HSPG2: variants seen among roughly 807,000 people sequenced by gnomAD.
HSPG2 encodes heparan sulfate proteoglycan 2, also known as basement membrane-specific heparan sulfate proteoglycan core protein.
HSPG2 carries 278 observed loss-of-function variants against 526.6 expected under a neutral mutation model. That is an observed-to-expected ratio of 0.53 (90% CI 0.48 to 0.58). HSPG2 has a LOEUF of 0.58. HSPG2 is among the 20% of genes least tolerant of loss of function. The pLI, the probability that HSPG2 is intolerant of heterozygous loss-of-function variation, is 0.00. For missense variants in HSPG2, 5,354 were observed against 6,099.5 expected (o/e 0.88, Z 4.07); for synonymous variants, 2,465 against 2,555.4 (o/e 0.96, Z 1.07).
chr1:21,879,755 C>T (rs556408104), intron 17 of HSPG2, among the ~76,000 whole-genome samples: 14 of 152,198 alleles, frequency 9.2e-5, no homozygotes, highest in African/African-American at 3.1e-4. Flanking sequence ...CGGGTTCAAG[C>T]GATTTTCCTG....
rs1194290622 is a variant in HSPG2 at position 21,887,556 on chromosome 1, G to T, written c.822C>A (p.Pro274=). The stretch of plus-strand genomic sequence containing the variant: ...GGGGCCTGACGGAACCGGGAAGCAG[G>T]GGCTGAGGAGCGTGGGTGACTGGTG... ...RQPPVTHAPQ[P]LLPGSVRPLP... is the part of the protein sequence containing the mutation. Residue 274 remains proline, a synonymous_variant, in exon 8 of 97, where the codon CCC becomes CCA. Transcript: ENST00000374695. The surrounding 1 kb of genome is among the most constrained non-coding windows in gnomAD (Gnocchi z 5.0). The T allele has an allele frequency of 6.2e-7, 1 of 1,614,016 alleles. No individual in the cohort carries two copies. Among genetic ancestry groups the T allele is most frequent in the Non-Finnish European group, 8.5e-7 (1 of 1,180,012 alleles).
At chr1:21,878,282 C>T (rs1167006920) in intron 20 of HSPG2, 29 bp from the exon 21 acceptor site, 5 of 1,611,894 alleles carry the variant, frequency 3.1e-6, no homozygotes. Flanking sequence ...GTTGGCAGGG[C>T]AGGTGGGAAT....
intron 45 of HSPG2, 37 bp downstream of exon 45, chr1:21,855,750 A>G: frequency 1.2e-6 from 2 of 1,610,318 alleles, no homozygotes; most frequent in South Asian, 1.1e-5. Context: ...CACCCAGGAG[A>G]GTCAGGCCTT....
At chr1:21,908,360 G>T (rs1221806003) in intron 1 of HSPG2, 20 of 1,086,392 alleles carry the variant, frequency 1.8e-5, no homozygotes, top group Non-Finnish European at 2.7e-5. Context: ...CTTGCCAAGA[G>T]AATTAATGTG....
At position 21,880,565 on chromosome 1, in the gene HSPG2, T is replaced by C; in HGVS notation, c.1999-6A>G. 1 of 1,613,058 alleles carries C rather than the reference T, an allele frequency of 6.2e-7. No homozygotes were observed. The highest frequency in any genetic ancestry group is 8.5e-7 in the Non-Finnish European group (1 of 1,179,798). On this transcript the variant is annotated splice_region_variant and splice_polypyrimidine_tract_variant and intron_variant, in intron 15 of 96. Coordinates refer to ENST00000374695, the MANE Select transcript of HSPG2 (RefSeq NM_005529.7). Reference sequence around the variant, plus strand: ...GACTCATGGACCCAGTGCTCCTGGGTATGGGTGAAGGTGGCAGGGGTCACA... The same window carrying C: ...GACTCATGGACCCAGTGCTCCTGGGCATGGGTGAAGGTGGCAGGGGTCACA...
At chr1:21,855,185 G>C in intron 47 of HSPG2, 119 bp downstream of exon 47, 2 of 1,411,686 alleles carry the variant, frequency 1.4e-6, no homozygotes, top group Non-Finnish European at 1.9e-6. Flanking sequence ...CCACCATCTT[G>C]GAGGTGAAGG....
chr1:21,841,576 G>C lies in HSPG2; in HGVS notation c.9291C>G (p.Tyr3097Ter). 1 of 1,614,148 alleles carries C rather than the reference G, an allele frequency of 6.2e-7. No homozygotes were observed. The highest frequency in any genetic ancestry group is 1.1e-5 in the South Asian group (1 of 91,086). The change falls in exon 70 of 97, where the codon TAC becomes TAG. Residue 3097 changes from tyrosine to a stop codon, truncating the protein, a stop_gained. Coordinates refer to ENST00000374695, the MANE Select transcript of HSPG2 (RefSeq NM_005529.7). LOFTEE classifies it high-confidence loss of function. ...GGTTCACCACACTCTGGGCCACACCGTAGGCATTGGAGGCCACGCAGCGGT... is the reference window on the plus strand; with the variant it reads ...GGTTCACCACACTCTGGGCCACACCCTAGGCATTGGAGGCCACGCAGCGGT... ...GTYRCVASNAYGVAQSVVNLS... is the reference protein window; with the variant it reads ...GTYRCVASNA
chr1:21,842,781 C>A lies in HSPG2; in HGVS notation c.8899G>T (p.Ala2967Ser). ...CCTGGCCCCTGTACCTGGTGCCGGG[C>A]GGGGAGGCTGCCCCCGCGCTTGTAC... ...TWYKRGGSLP[A>S]RHQTHGSQLR... Residue 2967 changes from alanine to serine, a missense_variant, in exon 67 of 97, where the codon GCC becomes TCC. Ala to Ser is a moderately conservative substitution (Grantham distance 99). Transcript: ENST00000374695. 1 of 1,612,994 alleles carries A rather than the reference C, an allele frequency of 6.2e-7. No individual in the cohort carries two copies. The highest frequency in any genetic ancestry group is 8.5e-7 in the Non-Finnish European group (1 of 1,180,024).
chr1:21,859,606 G>A lies in HSPG2; in HGVS notation c.5253C>T (p.Leu1751=), dbSNP rs1388752626. 1 of 1,610,256 alleles carries A rather than the reference G, an allele frequency of 6.2e-7. No individual in the cohort carries two copies. Among genetic ancestry groups the A allele is most frequent in the Non-Finnish European group, 8.5e-7 (1 of 1,178,506 alleles). Reference sequence around the variant, plus strand: ...CTGCCCGGCTGGTATTGGATTGGTGGAGATTACGGCAGGTGCAAATGTAGA... The same window carrying A: ...CTGCCCGGCTGGTATTGGATTGGTGAAGATTACGGCAGGTGCAAATGTAGA... ...AGVYICTCRN[L]HQSNTSRAEL... The change falls in exon 42 of 97, where the codon CTC becomes CTT. Residue 1751 remains leucine (L), a synonymous_variant. Transcript: ENST00000374695. The surrounding 1 kb of genome is among the most constrained non-coding windows in gnomAD (Gnocchi z 5.3).
rs968264263 is a variant in HSPG2, at chr1:21,829,330, G to C, written c.11992+53C>G. ...GCCTCCCTGGGGCTTGAAGAGCCGA[G>C]GGGGGCACAAGGCTTGGTGTGCAGA... is the stretch of plus-strand genomic sequence containing the variant. On this transcript the variant is annotated intron_variant, in intron 87 of 96. Transcript: ENST00000374695. The C allele has an allele frequency of 3.2e-5, 50 of 1,569,776 alleles. 1 individual carries two copies. Among genetic ancestry groups the C allele is most frequent in the East Asian group, 3.1e-4 (14 of 44,684 alleles).
rs137904249 is a variant in HSPG2, at chr1:21,876,613, C to T, written c.2725G>A (p.Gly909Ser). The T allele has an allele frequency of 1.2e-3, 2,010 of 1,614,206 alleles. 5 individuals are homozygous for T. The highest frequency in any genetic ancestry group is 1.6e-3 in the Non-Finnish European group (1,879 of 1,180,032). ...VGRLCNECADGSFHLSTRNPD... is the reference protein window; with the variant it reads ...VGRLCNECADSSFHLSTRNPD... Reference sequence around the variant, plus strand: ...TTTCGGGTACTCAGGTGGAAAGAGCCGTCAGCACATTCATTGCACAAGCGC... The same window carrying T: ...TTTCGGGTACTCAGGTGGAAAGAGCTGTCAGCACATTCATTGCACAAGCGC... Residue 909 changes from glycine to serine, a missense_variant, in exon 22 of 97, where the codon GGC (glycine) becomes AGC (serine). Transcript: ENST00000374695.
At chr1:21,910,351 C>T (rs1370070304) in intron 1 of HSPG2, among the ~76,000 whole-genome samples, 1 of 152,230 alleles carries the variant, frequency 6.6e-6, no homozygotes, top group African/African-American at 2.4e-5. Context: ...CCCTGAGGCC[C>T]TGTAAGATTC....
In HSPG2 at chr1:21,898,424, G is replaced by A. The variant is rs1464694017; in HGVS notation, c.64-2114C>T. On this transcript the variant is annotated intron_variant, in intron 1 of 96. Coordinates refer to ENST00000374695, the MANE Select transcript of HSPG2 (RefSeq NM_005529.7). The surrounding 1 kb of genome is among the most constrained non-coding windows in gnomAD (Gnocchi z 4.0). The stretch of plus-strand genomic sequence containing the variant: ...GCTGGCCTGTGGACTTCTAGGCTGT[G>A]CCCGTGGGATGCGCATTCAGGAGTG... Among the ~76,000 whole-genome samples, 1 of 152,204 alleles carries A rather than the reference G, an allele frequency of 6.6e-6. No homozygotes were observed. The highest frequency in any genetic ancestry group is 1.5e-5 in the Non-Finnish European group (1 of 68,042).
intron 1 of HSPG2, among the ~76,000 whole-genome samples, chr1:21,931,758 C>T (rs1451033686): frequency 6.6e-6 from 1 of 152,172 alleles, no homozygotes; most frequent in Non-Finnish European, 1.5e-5. Flanking sequence ...CCTGCCCTCC[C>T]TCCTGAGCCT....
At position 21,852,095 on chromosome 1, in the gene HSPG2, C is replaced by T. The variant is rs759493777; in HGVS notation, c.6863G>A (p.Arg2288Gln). Reference protein sequence around the residue: ...WYKRGGSLPARHQVRGSRLYI... With the variant: ...WYKRGGSLPAQHQVRGSRLYI... ...ATTCTTGGTGCCCTGTACCTGGTGC[C>T]GGGCAGGGAGGCTGCCCCCACGCTT... Residue 2288 changes from arginine to glutamine, a missense_variant, in exon 53 of 97, where the codon CGG (arginine) becomes CAG (glutamine). Arg to Gln is a conservative substitution (Grantham distance 43, BLOSUM62 1). Transcript: ENST00000374695. The T allele has an allele frequency of 1.6e-5, 26 of 1,613,468 alleles. No individual in the cohort carries two copies. The highest frequency in any genetic ancestry group is 1.9e-5 in the Non-Finnish European group (23 of 1,180,014).
At position 21,823,124 on chromosome 1, in the gene HSPG2, C is replaced by T; in HGVS notation, c.*192G>A. 1.9e-6 allele frequency: 1 copy of T among 536,806 alleles called. No homozygotes were observed. The allele number at this position is 536,806 out of a possible 1,614,324, so 33.3% of individuals were successfully genotyped here. A position where few individuals can be genotyped will look rare whatever the true frequency, so the allele number is the denominator to read the frequency against. On this transcript the variant is annotated 3_prime_UTR_variant, in exon 97 of 97. Transcript: ENST00000374695. ...ACTCCCATCCAACCTGCCTTGCTGG[C>T]CAGCCTTGTGGCTTTGCCCAGCTGT... is the stretch of plus-strand genomic sequence containing the variant.
chr1:21,921,575 C>T (rs1038093632), intron 1 of HSPG2, among the ~76,000 whole-genome samples: 1 of 152,210 alleles, frequency 6.6e-6, no homozygotes, highest in Non-Finnish European at 1.5e-5. Flanking sequence ...TACTGACATA[C>T]CTCGGGTGCA....
intron 9 of HSPG2, 85 bp from the exon 10 acceptor site, chr1:21,885,536 A>T: frequency 6.6e-7 from 1 of 1,523,216 alleles, no homozygotes; most frequent in South Asian, 1.1e-5. Context: ...CATCTTGCCC[A>T]CATAACCCAC....
rs1230263611 is a variant in HSPG2 at position 21,841,164 on chromosome 1, G to A, written c.9450C>T (p.Ser3150=). ...GCTGCTCCAACTTGGCAGGGGTGCT[G>A]CTGATCCGGGTCCAACGAGCAGAGG... ...PRSSARWTRI[S]STPAKLEQRT... The change falls in exon 71 of 97, where the codon AGC becomes AGT. Residue 3150 remains serine, a synonymous_variant. Coordinates refer to ENST00000374695, the MANE Select transcript of HSPG2 (RefSeq NM_005529.7). 16 of 1,613,630 alleles carry A rather than the reference G, an allele frequency of 9.9e-6. No homozygotes were observed. Among genetic ancestry groups the A allele is most frequent in the Non-Finnish European group, 1.4e-5 (16 of 1,180,014 alleles).
Sources: allele counts gnomAD v4.1 joint callset (sites outside exome capture counted in the v4.1 genomes callset), GRCh38; gene constraint gnomAD v4.1.1; non-coding constraint Gnocchi (gnomAD v3.1); transcripts MANE v1.5; gene names NCBI Gene and HGNC (gene_info 2026-07-23, HGNC 2026-07-21).